Variants in RABL2A observed in about 807,000 individuals in gnomAD.
RABL2A encodes the protein RAB, member of RAS oncogene family like 2A, also known as rab-like protein 2A.
Under a neutral mutation model 30.7 loss-of-function variants are expected in RABL2A, and 17 were observed. The ratio of observed to expected loss-of-function variants is 0.55; its 90% CI spans 0.38 to 0.83. The LOEUF (loss-of-function observed/expected upper bound fraction) is 0.83, where lower values mean the gene tolerates loss of function less well. Among genes scored for constraint, RABL2A ranks in the 40% least tolerant of loss-of-function variants. The pLI is 0.00. For missense variants in RABL2A, 155 were observed against 272.6 expected, an observed-to-expected ratio of 0.57 and a Z score of 3.04; for synonymous variants, 64 against 101.8, an observed-to-expected ratio of 0.63 and a Z score of 2.24.
intron 5 of RABL2A, among the ~76,000 whole-genome samples, chr2:113,639,060 A>C (rs1441565879): frequency 2.0e-5 from 3 of 152,194 alleles, no homozygotes; most frequent in African/African-American, 7.2e-5. Context: ...AGGCAGGAGG[A>C]TCACTTGAGC....
At chr2:113,627,544 G>T (rs1287233625) in intron 1 of RABL2A, 144 bp downstream of exon 1, 3 of 158,884 alleles carry the variant, frequency 1.9e-5, no homozygotes, top group Admixed American at 6.5e-5. Flanking sequence ...GGGGCGGGAC[G>T]GGCAGCCTGG....
intron 5 of RABL2A, chr2:113,637,593 C>T (rs1683403704): frequency 5.0e-6 from 6 of 1,210,096 alleles, no homozygotes; most frequent in African/African-American, 1.6e-5. Context: ...CCCGACTGCC[C>T]GTTAAGAACA....
At chr2:113,635,620 C>G in intron 5 of RABL2A, 1 of 208,108 alleles carries the variant, frequency 4.8e-6, no homozygotes, top group Non-Finnish European at 9.9e-6. Flanking sequence ...CGGCTCCACC[C>G]TGGTGACCCG....
chr2:113,634,179 C>T lies in RABL2A; in HGVS notation c.164C>T (p.Ala55Val), dbSNP rs1257576522. Reference sequence around the variant, plus strand: ...CAGCCACAGCAGCTGTCCACGTACGCCCTGACCCTGTACAAGCACACAGCC... The same window carrying T: ...CAGCCACAGCAGCTGTCCACGTACGTCCTGACCCTGTACAAGCACACAGCC... ...GFQPQQLSTY[A>V]LTLYKHTATV... The change falls in exon 4 of 9, where the codon GCC becomes GTC. Residue 55 changes from alanine (A) to valine (V), a missense_variant. Coordinates refer to ENST00000683472, the MANE Select transcript of RABL2A (RefSeq NM_001306158.2). The T allele has an allele frequency of 5.0e-6, 8 of 1,612,640 alleles. No homozygotes were observed. The highest frequency in any genetic ancestry group is 2.2e-5 in the East Asian group (1 of 44,820).
rs1392420350 is a variant in RABL2A at position 113,627,632 on chromosome 2, A to G, written c.-54+232A>G. ...CCACTTAGATGGCGAGGACATCGAC[A>G]AGCAAGTCTTCGCCCGTAAGCGGTG... On this transcript the variant is annotated intron_variant, in intron 1 of 8. Coordinates refer to ENST00000683472, the MANE Select transcript of RABL2A (RefSeq NM_001306158.2). 3.3e-5 allele frequency among the ~76,000 whole-genome samples: 5 copies of G among 152,366 alleles called. 1 individual carries two copies. Among genetic ancestry groups the G allele is most frequent in the African/African-American group, 1.2e-4 (5 of 41,596 alleles).
At chr2:113,634,972 G>T in intron 4 of RABL2A, 79 bp from the exon 5 acceptor site, 1 of 1,567,690 alleles carries the variant, frequency 6.4e-7, no homozygotes, top group South Asian at 1.1e-5. Flanking sequence ...GCTGTGGTTT[G>T]TGCCGCATGT....
intron 6 of RABL2A, 155 bp downstream of exon 6, chr2:113,641,160 C>G: frequency 1.1e-6 from 1 of 888,322 alleles, no homozygotes; most frequent in South Asian, 1.8e-5. Context: ...TTCTTCCCAC[C>G]TTATAAAGAA....
intron 5 of RABL2A, 188 bp from the exon 6 acceptor site, chr2:113,640,706 A>G (rs1412390668): frequency 1.5e-6 from 1 of 667,250 alleles, no homozygotes; most frequent in Admixed American, 3.0e-5. Context: ...ACATTTTCGC[A>G]TCTGGAGGCT....
chr2:113,633,335 T>C, intron 3 of RABL2A: 1 of 316,832 alleles, frequency 3.2e-6, no homozygotes, highest in South Asian at 2.8e-5. Flanking sequence ...ATCTCTGATA[T>C]GAATGAACTT....
At chr2:113,634,511 G>A (rs183398212) in intron 4 of RABL2A, 25 of 523,036 alleles carry the variant, frequency 4.8e-5, no homozygotes, top group Admixed American at 3.2e-4. Flanking sequence ...ACCCACCTCA[G>A]GGAAGAAGAA....
intron 5 of RABL2A, among the ~76,000 whole-genome samples, chr2:113,639,093 G>T (rs900715080): frequency 6.6e-6 from 1 of 151,900 alleles, no homozygotes; most frequent in Non-Finnish European, 1.5e-5. Flanking sequence ...GACCAGCCTC[G>T]TTAATATAAT....
intron 5 of RABL2A, chr2:113,638,289 C>T (rs943337967): frequency 2.8e-5 from 28 of 985,422 alleles, no homozygotes; most frequent in Middle Eastern, 5.2e-4. Context: ...CTGACCCTCC[C>T]GCCACCACAC....
At chr2:113,628,785 G>A in intron 2 of RABL2A, 72 bp downstream of exon 2, 1 of 737,866 alleles carries the variant, frequency 1.4e-6, no homozygotes, top group Non-Finnish European at 2.2e-6. Context: ...TCCTCCAGAG[G>A]CAGAGGAGCA....
intron 5 of RABL2A, among the ~76,000 whole-genome samples, chr2:113,636,729 C>T (rs1682884593): frequency 6.6e-6 from 1 of 152,208 alleles, no homozygotes; most frequent in African/African-American, 2.4e-5. Context: ...TGGCTCACGC[C>T]TGTAATCCCA....
chr2:113,636,882 G>T (rs1204659927), intron 5 of RABL2A, among the ~76,000 whole-genome samples: 1 of 151,220 alleles, frequency 6.6e-6, no homozygotes, highest in South Asian at 2.1e-4. Flanking sequence ...CCAGCTACTC[G>T]GGAGGCTGAG....
intron 5 of RABL2A, among the ~76,000 whole-genome samples, chr2:113,636,057 G>T (rs3791332): frequency 6.7e-6 from 1 of 150,364 alleles, no homozygotes; most frequent in East Asian, 2.0e-4. Context: ...GCAGTGAGCC[G>T]AGATCACACC....
At chr2:113,635,252 A>C (rs1295375528) in intron 5 of RABL2A, 122 bp downstream of exon 5, 1 of 957,738 alleles carries the variant, frequency 1.0e-6, no homozygotes, top group Non-Finnish European at 1.6e-6. Flanking sequence ...GCTTAGGGTC[A>C]CCCGGGGATG....
At chr2:113,636,846 G>A (rs1174867290) in intron 5 of RABL2A, among the ~76,000 whole-genome samples, 2 of 151,926 alleles carry the variant, frequency 1.3e-5, no homozygotes, top group East Asian at 1.9e-4. Flanking sequence ...AAAATTAGCC[G>A]GGCGTGGTAG....
chr2:113,632,313 G>T (rs901887153), intron 2 of RABL2A, among the ~76,000 whole-genome samples: 7 of 152,224 alleles, frequency 4.6e-5, no homozygotes, highest in Non-Finnish European at 1.0e-4. Context: ...TTGCAGAGAG[G>T]AGTGACCAAG....
Sources: allele counts gnomAD v4.1 joint callset (sites outside exome capture counted in the v4.1 genomes callset), GRCh38; gene constraint gnomAD v4.1.1; transcripts MANE v1.5; gene names NCBI Gene and HGNC (gene_info 2026-07-23, HGNC 2026-07-21).